The following SPOCK1 variants were observed in gnomAD, a reference collection of about 807,000 sequenced individuals.
SPOCK1 encodes the protein testican-1.
SPOCK1 carries 23 observed loss-of-function variants against 55.3 expected under a neutral mutation model. The ratio of observed to expected loss-of-function variants is 0.42; its 90% CI spans 0.30 to 0.59. The LOEUF (loss-of-function observed/expected upper bound fraction) is 0.59, where lower values mean the gene tolerates loss of function less well. Ranked by LOEUF, SPOCK1 falls within the 20% of genes least tolerant of loss-of-function variation. SPOCK1 has a pLI of 0.22. For missense variants in SPOCK1, 499 were observed against 552.5 expected (o/e 0.90, Z 0.97); for synonymous variants, 226 against 221.0 (o/e 1.02, Z -0.20).
chr5:137,236,531 C>T (rs1213929923), intron 3 of SPOCK1, among the ~76,000 whole-genome samples: 5 of 152,200 alleles, frequency 3.3e-5, no homozygotes, highest in Admixed American at 6.5e-5. Context: ...GTAGGCCCCA[C>T]AAATGTTAGA....
intron 2 of SPOCK1, among the ~76,000 whole-genome samples, chr5:137,383,988 C>T (rs1338155673): frequency 6.6e-6 from 1 of 152,216 alleles, no homozygotes; most frequent in Non-Finnish European, 1.5e-5. Context: ...AGCATGGAGG[C>T]CTCTGCTTCC....
At chr5:137,313,527 T>C (rs1757822829) in intron 2 of SPOCK1, 3 of 982,144 alleles carry the variant, frequency 3.1e-6, no homozygotes, top group South Asian at 4.7e-5. Flanking sequence ...AAGGGATCCA[T>C]AGGAGAGTCA....
intron 3 of SPOCK1, among the ~76,000 whole-genome samples, chr5:137,232,386 G>A (rs1756080867): frequency 6.6e-6 from 1 of 152,192 alleles, no homozygotes; most frequent in African/African-American, 2.4e-5. Flanking sequence ...CTTCGGTCCA[G>A]ATTCGTTTCT....
intron 2 of SPOCK1, among the ~76,000 whole-genome samples, chr5:137,486,445 T>C (rs1046735729): frequency 2.0e-5 from 3 of 152,212 alleles, no homozygotes; most frequent in African/African-American, 7.2e-5. Context: ...CAAGCACCTC[T>C]TTCTCTTCAC....
At chr5:137,293,707 G>C (rs1310763761) in intron 2 of SPOCK1, among the ~76,000 whole-genome samples, 2 of 152,144 alleles carry the variant, frequency 1.3e-5, no homozygotes, top group African/African-American at 4.8e-5. Context: ...CTGTAGGGCA[G>C]CGCCATCCAA....
intron 2 of SPOCK1, among the ~76,000 whole-genome samples, chr5:137,280,276 A>G (rs563759371): frequency 6.6e-6 from 1 of 152,362 alleles, no homozygotes; most frequent in African/African-American, 2.4e-5. Context: ...CACCCAGCTG[A>G]CAGAAATCAT....
At chr5:137,246,685 T>C (rs913758265) in intron 3 of SPOCK1, among the ~76,000 whole-genome samples, 2 of 152,200 alleles carry the variant, frequency 1.3e-5, no homozygotes, top group Admixed American at 6.5e-5. Context: ...CCTTGGAATC[T>C]GCCATGAATG....
intron 4 of SPOCK1, among the ~76,000 whole-genome samples, chr5:137,131,988 AAATATATATAT>A (rs1327880538): frequency 6.8e-5 from 3 of 43,826 alleles, no homozygotes; most frequent in African/African-American, 1.1e-4. Context: ...AAAAAAAAAA[AAATATATATAT>A]ATATATATAT....
intron 2 of SPOCK1, among the ~76,000 whole-genome samples, chr5:137,348,053 C>A (rs938100798): frequency 2.6e-5 from 4 of 152,176 alleles, no homozygotes; most frequent in Admixed American, 2.6e-4. Flanking sequence ...GTGGGCCACA[C>A]CTGGTGTACA....
At chr5:137,116,869 T>C (rs913706822) in intron 4 of SPOCK1, among the ~76,000 whole-genome samples, 2 of 152,056 alleles carry the variant, frequency 1.3e-5, no homozygotes, top group Admixed American at 1.3e-4. Flanking sequence ...ATGTGGGTTT[T>C]CCTTGACCCA....
chr5:137,039,270 CTTTTTTTTTTTTTT>C (rs11479277), intron 6 of SPOCK1, among the ~76,000 whole-genome samples: 15,539 of 89,660 alleles, frequency 0.17, 1,715 homozygotes, highest in African/African-American at 0.36. Flanking sequence ...GCCTGCCACA[CTTTTTTTTTTTTTT>C]TTTTTTTTTT....
chr5:137,329,639 G>A (rs1381347644), intron 2 of SPOCK1, among the ~76,000 whole-genome samples: 1 of 152,194 alleles, frequency 6.6e-6, no homozygotes, highest in East Asian at 1.9e-4. Flanking sequence ...AGCGTGGGAT[G>A]TAGTGGGGAG....
intron 3 of SPOCK1, among the ~76,000 whole-genome samples, chr5:137,219,050 A>C (rs1443229368): frequency 6.6e-6 from 1 of 152,186 alleles, no homozygotes; most frequent in Admixed American, 6.5e-5. Flanking sequence ...CCTGTTTTAT[A>C]CAAAGCTCTC....
At chr5:137,279,729 C>A (rs1580844475) in intron 2 of SPOCK1, among the ~76,000 whole-genome samples, 1 of 152,322 alleles carries the variant, frequency 6.6e-6, no homozygotes, top group East Asian at 1.9e-4. Flanking sequence ...CAATTACAAT[C>A]CCTCCACTTT....
chr5:137,164,286 G>A (rs1012320828), intron 3 of SPOCK1, among the ~76,000 whole-genome samples: 1 of 152,068 alleles, frequency 6.6e-6, no homozygotes, highest in Non-Finnish European at 1.5e-5. Context: ...CGGTCAGTGG[G>A]GAGGCTCCAA....
chr5:137,242,391 C>T (rs1756300187), intron 3 of SPOCK1, among the ~76,000 whole-genome samples: 5 of 152,212 alleles, frequency 3.3e-5, no homozygotes, highest in Admixed American at 3.3e-4. Context: ...CTAGCACACA[C>T]TCTGGTGCCT....
chr5:137,234,619 T>C (rs1756139652), intron 3 of SPOCK1, among the ~76,000 whole-genome samples: 1 of 152,238 alleles, frequency 6.6e-6, no homozygotes, highest in African/African-American at 2.4e-5. Flanking sequence ...GATATTTCTT[T>C]CAATACAATT....
At chr5:137,135,772 C>T (rs1224187516) in intron 4 of SPOCK1, among the ~76,000 whole-genome samples, 1 of 152,188 alleles carries the variant, frequency 6.6e-6, no homozygotes, top group Non-Finnish European at 1.5e-5. Context: ...TTCTTTCACC[C>T]TGCCTAATTA....
intron 3 of SPOCK1, among the ~76,000 whole-genome samples, chr5:137,257,617 A>G (rs1756662494): frequency 6.6e-6 from 1 of 152,194 alleles, no homozygotes; most frequent in Non-Finnish European, 1.5e-5. Flanking sequence ...AGAAGCCCCA[A>G]AGGACTAAAG....
Sources: gnomAD v4.1 joint callset for allele counts (sites outside exome capture counted in the v4.1 genomes callset) on GRCh38, gnomAD v4.1.1 for gene constraint, MANE v1.5 for transcripts, NCBI Gene and HGNC (gene_info 2026-07-23, HGNC 2026-07-21) for gene names.